ERP29: variants seen among roughly 807,000 people sequenced by gnomAD.
The protein encoded by ERP29 is endoplasmic reticulum resident protein 29.
A neutral mutation model predicts 21.7 loss-of-function variants in ERP29; 14 were observed. The ratio of observed to expected loss-of-function variants is 0.64; its 90% CI spans 0.43 to 1.01. The LOEUF (loss-of-function observed/expected upper bound fraction) is 1.01. Ranked by LOEUF, ERP29 falls within the 50% of genes least tolerant of loss-of-function variation. ERP29 has a pLI of 0.00. For missense variants in ERP29, 286 were observed against 327.3 expected, an observed-to-expected ratio of 0.87 and a Z score of 0.97; for synonymous variants, 129 against 139.1, an observed-to-expected ratio of 0.93 and a Z score of 0.51.
At chr12:112,015,172 A>G (rs1164436818) in intron 1 of ERP29, 2 of 147,206 alleles carry the variant, frequency 1.4e-5, no homozygotes, top group African/African-American at 2.6e-5. Flanking sequence ...CGACAGAGCA[A>G]ATACTCCGTC....
At chr12:112,021,016 G>A (rs2078041448) in intron 2 of ERP29, among the ~76,000 whole-genome samples, 1 of 152,374 alleles carries the variant, frequency 6.6e-6, no homozygotes, top group East Asian at 1.9e-4. Context: ...GAAACCAGTT[G>A]TCACAGCATC....
chr12:112,019,706 G>A (rs1267807776), intron 1 of ERP29, 50 bp from the exon 2 acceptor site: 2 of 1,612,812 alleles, frequency 1.2e-6, no homozygotes, highest in Non-Finnish European at 8.5e-7. Context: ...AGGGGAATTA[G>A]CCCCAAAAGT....
intron 1 of ERP29, among the ~76,000 whole-genome samples, chr12:112,016,252 C>A (rs2078011718): frequency 6.6e-6 from 1 of 152,226 alleles, no homozygotes; most frequent in Admixed American, 6.5e-5. Context: ...CTTTTCAAAT[C>A]TTCTCTTCCA....
chr12:112,022,786 T>C lies in ERP29; in HGVS notation c.*134T>C. 1 of 860,752 alleles carries C rather than the reference T, an allele frequency of 1.2e-6. No homozygotes were observed. Among genetic ancestry groups the C allele is most frequent in the South Asian group, 1.7e-5 (1 of 58,176 alleles). 53.3% of individuals were successfully genotyped at this position (860,752 alleles called of 1,614,324 possible). On this transcript the variant is annotated 3_prime_UTR_variant, in exon 3 of 3. Transcript: ENST00000261735. ...CTAACCCACGATTCTGAGCCCTGAG[T>C]ATGCCTGGACATTGATGCTAACATG...
chr12:112,014,210 A>G (rs190990299), intron 1 of ERP29, among the ~76,000 whole-genome samples: 82 of 152,358 alleles, frequency 5.4e-4, no homozygotes, highest in Non-Finnish European at 7.1e-4. Flanking sequence ...GTGGCCTGTT[A>G]GAAACCGGGC....
chr12:112,022,905 T>TA lies in ERP29; in HGVS notation c.*254dup. The TA allele has an allele frequency of 2.0e-6, 1 of 505,300 alleles. No homozygotes were observed. Among genetic ancestry groups the TA allele is most frequent in the East Asian group, 3.3e-5 (1 of 29,980 alleles). 31.3% of individuals were successfully genotyped at this position (505,300 alleles called of 1,614,324 possible). On this transcript the variant is annotated 3_prime_UTR_variant, in exon 3 of 3. Transcript: ENST00000261735. ...GACACCTCAGAAGGAATGAGTGCTA[T>TA]AGAGAGGAGAGAGGAGTGTACTGCC...
At chr12:112,016,166 TA>T (rs1189726220) in intron 1 of ERP29, among the ~76,000 whole-genome samples, 12 of 152,384 alleles carry the variant, frequency 7.9e-5, no homozygotes, top group African/African-American at 2.6e-4. Flanking sequence ...CTGCGCTGCA[TA>T]ACAGATTACC....
At position 112,022,767 on chromosome 12, in the gene ERP29, C is replaced by A; in HGVS notation, c.*115C>A. The A allele has an allele frequency of 9.4e-7, 1 of 1,061,468 alleles. No homozygotes were observed. Among genetic ancestry groups the A allele is most frequent in the East Asian group, 2.4e-5 (1 of 41,394 alleles). The allele number at this position is 1,061,468 out of a possible 1,614,324, so 65.8% of individuals were successfully genotyped here. ...GGTAGTGGGAAAAGTGGTACTAACC[C>A]ACGATTCTGAGCCCTGAGTATGCCT... On this transcript the variant is annotated 3_prime_UTR_variant, in exon 3 of 3. Coordinates refer to ENST00000261735, the MANE Select transcript of ERP29 (RefSeq NM_006817.4).
intron 1 of ERP29, among the ~76,000 whole-genome samples, chr12:112,017,848 G>A (rs373067226): frequency 2.7e-5 from 4 of 146,234 alleles, no homozygotes; most frequent in South Asian, 4.3e-4. Flanking sequence ...GCAGTGGCGC[G>A]ATCTCGGCTC....
chr12:112,022,007 C>T (rs1200165536), intron 2 of ERP29, 143 bp from the exon 3 acceptor site: 1 of 710,954 alleles, frequency 1.4e-6, no homozygotes, highest in Non-Finnish European at 2.4e-6. Context: ...AATTCAAACA[C>T]AGGTCTGTAT....
At chr12:112,021,816 G>A (rs2078048573) in intron 2 of ERP29, among the ~76,000 whole-genome samples, 3 of 152,096 alleles carry the variant, frequency 2.0e-5, no homozygotes, top group Admixed American at 6.5e-5. Context: ...ATGAGCCACC[G>A]CACCCGTCCG....
Position 112,013,573 on chromosome 12 carries a change from G to A in ERP29, c.108G>A (p.Lys36=). 13 of 1,608,966 alleles carry A rather than the reference G, an allele frequency of 8.1e-6. No homozygotes were observed. Among genetic ancestry groups the A allele is most frequent in the Non-Finnish European group, 1.1e-5 (13 of 1,177,876 alleles). Residue 36 remains lysine (K), a synonymous_variant, in exon 1 of 3, where the codon AAG becomes AAA. Coordinates refer to ENST00000261735, the MANE Select transcript of ERP29 (RefSeq NM_006817.4). ...ATGGCGGCAGCGGCCTGCACACCAA[G>A]GGCGCCCTTCCCCTGGATACGGTCA... ...APHGGSGLHT[K]GALPLDTVTF...
intron 2 of ERP29, among the ~76,000 whole-genome samples, chr12:112,020,227 T>C (rs1253256942): frequency 6.6e-6 from 1 of 152,130 alleles, no homozygotes; most frequent in Admixed American, 6.5e-5. Context: ...CTATGTCCCC[T>C]AGGGGACAGC....
rs1267804831 is a variant in ERP29 at position 112,019,552 on chromosome 12, A to G, written c.145-204A>G. 6.4e-6 allele frequency: 4 copies of G among 629,272 alleles called. No homozygotes were observed. The South Asian group carries it at 6.9e-5, about 11-fold the overall frequency. The allele number at this position is 629,272 out of a possible 1,614,324, so 39.0% of individuals were successfully genotyped here. A position where few individuals can be genotyped will look rare whatever the true frequency, so the allele number is the denominator to read the frequency against. Reference sequence around the variant, plus strand: ...ATATCTTTGATTAGTGTGAACAGGTACTAATGGGGTGCCCTGCATGTTGCT... The same window carrying G: ...ATATCTTTGATTAGTGTGAACAGGTGCTAATGGGGTGCCCTGCATGTTGCT... On this transcript the variant is annotated intron_variant, in intron 1 of 2. Coordinates refer to ENST00000261735, the MANE Select transcript of ERP29 (RefSeq NM_006817.4).
In ERP29 at chr12:112,022,279, T is replaced by C. The variant is rs1411716624; in HGVS notation, c.413T>C (p.Val138Ala). 4.3e-6 allele frequency: 7 copies of C among 1,612,964 alleles called. No individual in the cohort carries two copies. The highest frequency in any genetic ancestry group is 5.1e-6 in the Non-Finnish European group (6 of 1,179,458). Residue 138 changes from valine to alanine, a missense_variant, in exon 3 of 3, where the codon GTT (valine) becomes GCT (alanine). Transcript: ENST00000261735. ...GTCCCATACACTGGGGCAGTTAAGG[T>C]TGGAGCCATCCAGCGCTGGCTGAAG... is the stretch of plus-strand genomic sequence containing the variant. Reference protein sequence around the residue: ...NPVPYTGAVKVGAIQRWLKGQ... With the variant: ...NPVPYTGAVKAGAIQRWLKGQ...
At chr12:112,021,804 G>A (rs2078048450) in intron 2 of ERP29, among the ~76,000 whole-genome samples, 1 of 152,022 alleles carries the variant, frequency 6.6e-6, no homozygotes, top group Non-Finnish European at 1.5e-5. Flanking sequence ...GGGATTACAG[G>A]CATGAGCCAC....
chr12:112,022,715 C>T lies in ERP29; in HGVS notation c.*63C>T. The T allele has an allele frequency of 1.3e-6, 2 of 1,500,760 alleles. No individual in the cohort carries two copies. The highest frequency in any genetic ancestry group is 1.8e-6 in the Non-Finnish European group (2 of 1,118,152). The allele number at this position is 1,500,760 out of a possible 1,614,324, so 93.0% of individuals were successfully genotyped here. Reference sequence around the variant, plus strand: ...AGGGAGGGGAGAGTTAACCTGCTGGCTGTGAGTCCCTTGTGGAATATAAGG... The same window carrying T: ...AGGGAGGGGAGAGTTAACCTGCTGGTTGTGAGTCCCTTGTGGAATATAAGG... On this transcript the variant is annotated 3_prime_UTR_variant, in exon 3 of 3. Coordinates refer to ENST00000261735, the MANE Select transcript of ERP29 (RefSeq NM_006817.4).
rs2078032336 is a variant in ERP29, at chr12:112,019,571, T to C, written c.145-185T>C. On this transcript the variant is annotated intron_variant, in intron 1 of 2. Transcript: ENST00000261735. ...ACAGGTACTAATGGGGTGCCCTGCA[T>C]GTTGCTGGCACTCACTAAATTGTTA... 7.4e-6 allele frequency: 5 copies of C among 679,206 alleles called. No individual in the cohort carries two copies. The Admixed American group carries it at 8.7e-5, about 12-fold the overall frequency. The allele number at this position is 679,206 out of a possible 1,614,324, so 42.1% of individuals were successfully genotyped here.
At chr12:112,014,385 A>T (rs561536366) in intron 1 of ERP29, among the ~76,000 whole-genome samples, 31 of 152,330 alleles carry the variant, frequency 2.0e-4, no homozygotes, top group South Asian at 1.7e-3. Flanking sequence ...CTAATGCCTG[A>T]TGATCTGAGG....
Sources: allele counts gnomAD v4.1 joint callset (sites outside exome capture counted in the v4.1 genomes callset), GRCh38; gene constraint gnomAD v4.1.1; transcripts MANE v1.5; gene names NCBI Gene and HGNC (gene_info 2026-07-23, HGNC 2026-07-21).